The following HMCN1 variants were observed in gnomAD, a reference collection of about 807,000 sequenced individuals.
HMCN1 encodes hemicentin 1.
A neutral mutation model predicts 625.9 loss-of-function variants in HMCN1; 321 were observed. The ratio of observed to expected loss-of-function variants is 0.51; its 90% CI spans 0.47 to 0.56. The LOEUF (loss-of-function observed/expected upper bound fraction) is 0.56, where lower values mean the gene tolerates loss of function less well. Ranked by LOEUF, HMCN1 falls within the 20% of genes least tolerant of loss-of-function variation. The probability of loss-of-function intolerance (pLI) is 0.00; values close to 1 mark genes in which losing one functional copy is unlikely to be tolerated. For synonymous variants in HMCN1, 2,425 were observed against 2,417.6 expected, an observed-to-expected ratio of 1.00 and a Z score of -0.09; for missense variants, 6,588 against 6,887.3, an observed-to-expected ratio of 0.96 and a Z score of 1.54.
intron 105 of HMCN1, among the ~76,000 whole-genome samples, chr1:186,185,441 A>AT (rs1263179069): frequency 1.3e-5 from 2 of 152,228 alleles, no homozygotes; most frequent in Non-Finnish European, 2.9e-5. Context: ...AATCATAATT[A>AT]GAAATTTTTT....
intron 1 of HMCN1, among the ~76,000 whole-genome samples, chr1:185,766,568 G>T (rs1655887419): frequency 6.6e-6 from 1 of 152,076 alleles, no homozygotes; most frequent in Non-Finnish European, 1.5e-5. Flanking sequence ...GAAATAAACA[G>T]ATCTTTGAGA....
intron 98 of HMCN1, 89 bp from the exon 99 acceptor site, chr1:186,166,095 C>T: frequency 7.0e-7 from 1 of 1,429,844 alleles, no homozygotes; most frequent in South Asian, 1.2e-5. Context: ...TTCTTGGCCT[C>T]TATAAGCAGT....
At chr1:186,136,625 G>T (rs1173178667) in intron 86 of HMCN1, 43 bp from the exon 87 acceptor site, 1 of 1,597,794 alleles carries the variant, frequency 6.3e-7, no homozygotes, top group East Asian at 2.2e-5. Flanking sequence ...AAAAAATGCT[G>T]TAACTCCACA....
intron 1 of HMCN1, among the ~76,000 whole-genome samples, chr1:185,815,258 A>G (rs1293239936): frequency 2.0e-5 from 3 of 150,270 alleles, no homozygotes; most frequent in Admixed American, 6.6e-5. Context: ...GGGGTGAAGC[A>G]TGGACCACTT....
intron 1 of HMCN1, among the ~76,000 whole-genome samples, chr1:185,845,346 T>A (rs1016037428): frequency 2.0e-5 from 3 of 152,100 alleles, no homozygotes; most frequent in African/African-American, 7.2e-5. Flanking sequence ...GCCTCCTGAG[T>A]AGCTGGGACT....
At chr1:185,801,012 T>C (rs1252513396) in intron 1 of HMCN1, among the ~76,000 whole-genome samples, 1 of 152,208 alleles carries the variant, frequency 6.6e-6, no homozygotes, top group Non-Finnish European at 1.5e-5. Flanking sequence ...TGAGATGTTT[T>C]GGATACATCT....
At chr1:186,038,692 A>G (rs1655999363) in intron 37 of HMCN1, 137 bp from the exon 38 acceptor site, 1 of 647,310 alleles carries the variant, frequency 1.5e-6, no homozygotes, top group African/African-American at 1.8e-5. Flanking sequence ...TCAAAGCTAA[A>G]GAGATGATTA....
intron 89 of HMCN1, among the ~76,000 whole-genome samples, chr1:186,142,207 C>T (rs1650013779): frequency 6.6e-6 from 1 of 152,122 alleles, no homozygotes; most frequent in South Asian, 2.1e-4. Flanking sequence ...TCTTTCTGTC[C>T]ATGTGTTCTC....
chr1:185,870,467 A>G (rs1663541363), intron 4 of HMCN1, among the ~76,000 whole-genome samples: 2 of 152,072 alleles, frequency 1.3e-5, no homozygotes, highest in Non-Finnish European at 2.9e-5. Flanking sequence ...ATATCCTGTA[A>G]CATTCCCTTC....
intron 105 of HMCN1, among the ~76,000 whole-genome samples, chr1:186,186,992 TCTCACACACACACACACACACACACACA>T (rs1450441291): frequency 9.4e-5 from 9 of 95,432 alleles, no homozygotes; most frequent in African/African-American, 3.5e-4. Flanking sequence ...TCTGTCTCTG[TCTCACACACACACACACACACACACACA>T]CACACACACA....
intron 30 of HMCN1, among the ~76,000 whole-genome samples, chr1:186,009,320 T>C (rs1178674779): frequency 6.6e-6 from 1 of 152,220 alleles, no homozygotes; most frequent in African/African-American, 2.4e-5. Flanking sequence ...GGCTCTATAA[T>C]GATTAAACCT....
In HMCN1 at chr1:185,923,502, A is replaced by C. The variant is rs772863513; in HGVS notation, c.1134A>C (p.Lys378Asn). 3.7e-6 allele frequency: 6 copies of C among 1,612,210 alleles called. No individual in the cohort carries two copies. In the East Asian group the frequency reaches 1.3e-4, roughly 36 times the overall value. ...GTTCTCTTAAGACTATTCCTGTTAA[A>C]TATTACCCACATCGAAAACCTTATG... ...SGSSLKTIPV[K>N]YYPHRKPYGI... The change falls in exon 8 of 107, where the codon AAA (lysine) becomes AAC (asparagine). Residue 378 changes from lysine (K) to asparagine (N), a missense_variant. This residue lies in a region of HMCN1 where 4,628 missense variants were observed against 4,853.1 expected (regional missense o/e 0.95). Transcript: ENST00000271588.
At chr1:185,942,444 A>G (rs1441131524) in intron 11 of HMCN1, among the ~76,000 whole-genome samples, 2 of 152,164 alleles carry the variant, frequency 1.3e-5, no homozygotes, top group African/African-American at 4.8e-5. Flanking sequence ...TCCTTTCTCA[A>G]TGCATTGACT....
chr1:186,182,949 T>A (rs890857359), intron 105 of HMCN1, among the ~76,000 whole-genome samples: 1 of 152,176 alleles, frequency 6.6e-6, no homozygotes, highest in Non-Finnish European at 1.5e-5. Context: ...AGTGGTTCCC[T>A]TTTTACACAA....
At chr1:186,133,936 T>C (rs1649401166) in intron 86 of HMCN1, among the ~76,000 whole-genome samples, 1 of 152,156 alleles carries the variant, frequency 6.6e-6, no homozygotes, top group African/African-American at 2.4e-5. Flanking sequence ...GTTAATATGT[T>C]GGTGTGAATT....
chr1:186,156,882 A>G (rs926612239), intron 97 of HMCN1, among the ~76,000 whole-genome samples: 9 of 152,184 alleles, frequency 5.9e-5, no homozygotes, highest in Non-Finnish European at 1.3e-4. Context: ...CTAGGTGTTG[A>G]CAGCATCACT....
At chr1:186,158,384 G>C (rs189638727) in intron 97 of HMCN1, among the ~76,000 whole-genome samples, 43 of 152,138 alleles carry the variant, frequency 2.8e-4, no homozygotes, top group African/African-American at 1.0e-3. Flanking sequence ...CCATGCTGTA[G>C]GTTGCCTGTT....
rs1455201923 is a variant in HMCN1, at chr1:186,023,128, A to G, written c.5724A>G (p.Gln1908=). 2 of 1,613,232 alleles carry G rather than the reference A, an allele frequency of 1.2e-6. No individual in the cohort carries two copies. Among genetic ancestry groups the G allele is most frequent in the Middle Eastern group, 1.7e-4 (1 of 6,054 alleles). ...CTACCAACGCAGCTGGAGAAACACA[A>G]CAGCACATTCAACTGCATGTTCATG... ...CVATNAAGET[Q]QHIQLHVHEP... is the part of the protein sequence containing the mutation. Residue 1908 remains glutamine (Q), a synonymous_variant, in exon 36 of 107, where the codon CAA becomes CAG. Coordinates refer to ENST00000271588, the MANE Select transcript of HMCN1 (RefSeq NM_031935.3).
intron 1 of HMCN1, among the ~76,000 whole-genome samples, chr1:185,831,721 G>A (rs1003544645): frequency 2.6e-5 from 4 of 151,814 alleles, no homozygotes; most frequent in Non-Finnish European, 5.9e-5. Flanking sequence ...CATTCAGAAC[G>A]TATAATAGAA....
Sources: allele counts gnomAD v4.1 joint callset (sites outside exome capture counted in the v4.1 genomes callset), GRCh38; gene constraint gnomAD v4.1.1; regional missense constraint gnomAD v4.1.1; transcripts MANE v1.5; gene names NCBI Gene and HGNC (gene_info 2026-07-23, HGNC 2026-07-21).